Variants in GLRA2 observed in about 807,000 individuals in gnomAD.
The protein encoded by GLRA2 is glycine receptor alpha 2.
Under a neutral mutation model 31.6 loss-of-function variants are expected in GLRA2, and 11 were observed. The ratio of observed to expected loss-of-function variants is 0.35; its 90% CI spans 0.22 to 0.58. The LOEUF is 0.58. GLRA2 is among the 20% of genes least tolerant of loss of function. The probability of loss-of-function intolerance (pLI) is 0.84; values close to 1 mark genes in which losing one functional copy is unlikely to be tolerated. For missense variants in GLRA2, 212 were observed against 351.8 expected (o/e 0.60, Z 3.18); for synonymous variants, 132 against 134.0 (o/e 0.99, Z 0.10).
At chrX:14,514,112 A>G in the GLRA2 span, among the ~76,000 whole-genome samples, 9 of 111,619 alleles carry the variant, frequency 8.1e-5, no homozygotes, top group Non-Finnish European at 1.5e-4. Context: ...AGCAACCTGG[A>G]TGGAGTTGGA....
intron 7 of GLRA2, among the ~76,000 whole-genome samples, chrX:14,656,586 T>C (rs2090943496): frequency 2.7e-5 from 3 of 112,126 alleles, no homozygotes; most frequent in Non-Finnish European, 5.6e-5. Flanking sequence ...CTTAAACCTC[T>C]CAGAAGTCAA....
the GLRA2 span, among the ~76,000 whole-genome samples, chrX:14,493,562 CATATATACAT>C: frequency 9.7e-6 from 1 of 103,187 alleles, no homozygotes; most frequent in African/African-American, 3.5e-5. Context: ...CATATATACA[CATATATACAT>C]ATATACATAT....
the GLRA2 span, among the ~76,000 whole-genome samples, chrX:14,454,231 C>T: frequency 9.3e-6 from 1 of 107,795 alleles, no homozygotes; most frequent in South Asian, 4.1e-4. Flanking sequence ...CGCACACATA[C>T]ATGAGTTCAA....
the GLRA2 span, among the ~76,000 whole-genome samples, chrX:14,467,255 T>C: frequency 1.8e-5 from 2 of 112,244 alleles, no homozygotes; most frequent in South Asian, 3.7e-4. Flanking sequence ...ATAAATGCCT[T>C]TGTAACATAT....
the GLRA2 span, among the ~76,000 whole-genome samples, chrX:14,511,957 A>C: frequency 9.0e-6 from 1 of 111,595 alleles, no homozygotes; most frequent in African/African-American, 3.3e-5. Context: ...ACTTTAATAT[A>C]TATCTTCTGA....
At chrX:14,645,856 C>T (rs998971724) in intron 7 of GLRA2, among the ~76,000 whole-genome samples, 3 of 111,817 alleles carry the variant, frequency 2.7e-5, no homozygotes, top group African/African-American at 9.8e-5. Context: ...TTGTACAATA[C>T]CTCCATTGAT....
chrX:14,731,574 A>AACTT lies in GLRA2; in HGVS notation c.*1091_*1094dup, dbSNP rs1312106204. The AACTT allele has an allele frequency of 3.6e-5, 4 of 112,032 alleles. No homozygotes were observed. Among genetic ancestry groups the AACTT allele is most frequent in the South Asian group, 3.8e-4 (1 of 2,653 alleles). 9.2% of individuals were successfully genotyped at this position (112,032 alleles called of 1,213,427 possible). A position where few individuals can be genotyped will look rare whatever the true frequency, so the allele number is the denominator to read the frequency against. On this transcript the variant is annotated 3_prime_UTR_variant, in exon 9 of 9. Coordinates refer to ENST00000218075, the MANE Select transcript of GLRA2 (RefSeq NM_002063.4). ...AACATTGTTTTAAATATCCTTAACT[A>AACTT]ACTTAAAGAATTTTAAAATTGTACT...
the GLRA2 span, among the ~76,000 whole-genome samples, chrX:14,489,847 A>G: frequency 2.7e-5 from 3 of 112,673 alleles, no homozygotes; most frequent in African/African-American, 9.7e-5. Flanking sequence ...ACAATGGAAA[A>G]TTAACAAAGT....
intron 1 of GLRA2, 101 bp from the exon 2 acceptor site, chrX:14,532,138 T>C (rs2089264230): frequency 1.8e-6 from 1 of 568,938 alleles, no homozygotes; most frequent in East Asian, 4.1e-5. Flanking sequence ...TACTAACATA[T>C]CAAATATCTT....
chrX:14,681,969 G>C, intron 7 of GLRA2, among the ~76,000 whole-genome samples: 1 of 85,216 alleles, frequency 1.2e-5, no homozygotes, highest in Non-Finnish European at 2.3e-5. Context: ...GTATATTTAT[G>C]TGTGTATATA....
intron 7 of GLRA2, among the ~76,000 whole-genome samples, chrX:14,640,005 T>C (rs956749603): frequency 3.6e-5 from 4 of 112,210 alleles, no homozygotes; most frequent in Non-Finnish European, 7.5e-5. Flanking sequence ...AAGAATACCT[T>C]GCAACTCTGT....
chrX:14,559,356 A>C (rs1243781025), intron 2 of GLRA2, among the ~76,000 whole-genome samples: 1 of 106,915 alleles, frequency 9.4e-6, no homozygotes, highest in Admixed American at 1.0e-4. Flanking sequence ...TACATAATTT[A>C]CGGTGAATTT....
intron 7 of GLRA2, among the ~76,000 whole-genome samples, chrX:14,633,818 T>C (rs994933595): frequency 3.0e-5 from 3 of 99,144 alleles, no homozygotes; most frequent in Non-Finnish European, 6.6e-5. Flanking sequence ...ATATAGTGCA[T>C]GAAAACTCAC....
At chrX:14,710,654 T>C (rs1023398831) in intron 8 of GLRA2, among the ~76,000 whole-genome samples, 9 of 111,955 alleles carry the variant, frequency 8.0e-5, no homozygotes, top group African/African-American at 2.9e-4. Flanking sequence ...TGAACTGAAC[T>C]GTTGTTACGG....
chrX:14,511,675 A>T, the GLRA2 span, among the ~76,000 whole-genome samples: 2 of 112,292 alleles, frequency 1.8e-5, no homozygotes, highest in Non-Finnish European at 3.8e-5. Context: ...GTGAAAGTTG[A>T]AAACAAATTA....
the GLRA2 span, among the ~76,000 whole-genome samples, chrX:14,497,654 G>A: frequency 1.3e-4 from 14 of 111,603 alleles, no homozygotes; most frequent in East Asian, 3.4e-3. Flanking sequence ...TTTTCACTTC[G>A]TTCTGTTTCA....
chrX:14,602,369 TTGTTTG>T (rs1246180617), intron 4 of GLRA2, among the ~76,000 whole-genome samples: 6 of 110,302 alleles, frequency 5.4e-5, no homozygotes, highest in Non-Finnish European at 1.1e-4. Flanking sequence ...GTTTGTTTGT[TTGTTTG>T]TTTGTTTGTT....
At chrX:14,478,677 C>T in the GLRA2 span, among the ~76,000 whole-genome samples, 1 of 112,036 alleles carries the variant, frequency 8.9e-6, no homozygotes, top group African/African-American at 3.2e-5. Context: ...ATAATGTTTC[C>T]TTAATTATCC....
chrX:14,530,451 T>G (rs756373199), intron 1 of GLRA2, among the ~76,000 whole-genome samples: 2 of 111,581 alleles, frequency 1.8e-5, no homozygotes, highest in Non-Finnish European at 3.8e-5. Flanking sequence ...TTAAAGAGAT[T>G]ATTGGGTGCA....
Sources: allele counts gnomAD v4.1 joint callset (sites outside exome capture counted in the v4.1 genomes callset), GRCh38; gene constraint gnomAD v4.1.1; transcripts MANE v1.5; gene names NCBI Gene and HGNC (gene_info 2026-07-23, HGNC 2026-07-21).